PXDNL: variants seen among roughly 807,000 people sequenced by gnomAD.
PXDNL encodes the protein probable oxidoreductase PXDNL.
Under a neutral mutation model 150.8 loss-of-function variants are expected in PXDNL, and 145 were observed. That is an observed-to-expected ratio of 0.96 (90% CI 0.84 to 1.10). The LOEUF is 1.10. Ranked by LOEUF, PXDNL falls within the 50% of genes least tolerant of loss-of-function variation. PXDNL has a pLI of 0.00. For missense variants in PXDNL, 2,087 were observed against 1,873.9 expected, an observed-to-expected ratio of 1.11 and a Z score of -2.10; for synonymous variants, 757 against 725.7, an observed-to-expected ratio of 1.04 and a Z score of -0.69.
chr8:51,496,530 C>A (rs1811055967), intron 5 of PXDNL, among the ~76,000 whole-genome samples: 1 of 152,094 alleles, frequency 6.6e-6, no homozygotes, highest in Non-Finnish European at 1.5e-5. Flanking sequence ...TTTAGAAAAC[C>A]CCGTCGTCTC....
chr8:51,623,613 C>T (rs1388065736), intron 2 of PXDNL, among the ~76,000 whole-genome samples: 1 of 152,240 alleles, frequency 6.6e-6, no homozygotes, highest in African/African-American at 2.4e-5. Context: ...GGACCATCCA[C>T]AGCACCCAGC....
chr8:51,644,429 T>C (rs1407345889), intron 2 of PXDNL, among the ~76,000 whole-genome samples: 26 of 139,190 alleles, frequency 1.9e-4, no homozygotes, highest in African/African-American at 6.4e-4. Flanking sequence ...TATATACACA[T>C]ATGTGTGTGT....
At chr8:51,721,884 C>G (rs1287550981) in intron 1 of PXDNL, 1 of 278,322 alleles carries the variant, frequency 3.6e-6, no homozygotes, top group Non-Finnish European at 7.2e-6. Context: ...GCAGCTTTGT[C>G]CCAGCATGGC....
At chr8:51,596,803 T>C (rs996301172) in intron 2 of PXDNL, among the ~76,000 whole-genome samples, 4 of 152,194 alleles carry the variant, frequency 2.6e-5, no homozygotes, top group African/African-American at 7.2e-5. Flanking sequence ...TCCTAGATAG[T>C]AGACCTTTAT....
chr8:51,605,498 A>C (rs767437568), intron 2 of PXDNL, among the ~76,000 whole-genome samples: 6 of 151,976 alleles, frequency 3.9e-5, no homozygotes, highest in Non-Finnish European at 8.8e-5. Context: ...TTATTAATAT[A>C]AATATTCATT....
At chr8:51,627,171 A>C (rs1001761491) in intron 2 of PXDNL, among the ~76,000 whole-genome samples, 15 of 152,218 alleles carry the variant, frequency 9.9e-5, no homozygotes, top group African/African-American at 4.8e-5. Context: ...TTTTAGGAGT[A>C]CAATTAAATT....
rs536736364 is a variant in PXDNL, at chr8:51,451,946, C to T, written c.1249+1573G>A. Among the ~76,000 whole-genome samples, 518 of 152,244 alleles carry T rather than the reference C, an allele frequency of 3.4e-3. 6 individuals carry two copies. The highest frequency in any genetic ancestry group is 0.012 in the African/African-American group (495 of 41,534). On this transcript the variant is annotated intron_variant, in intron 10 of 22. Transcript: ENST00000356297. ...ATGGTCACAAATAACAAAGGACAAGCAGATGGCCATTTCAGTGCAAACTCA... is the reference window on the plus strand; with the variant it reads ...ATGGTCACAAATAACAAAGGACAAGTAGATGGCCATTTCAGTGCAAACTCA...
intron 1 of PXDNL, among the ~76,000 whole-genome samples, chr8:51,791,020 C>T (rs1431859541): frequency 4.0e-5 from 6 of 151,888 alleles, no homozygotes; most frequent in African/African-American, 1.5e-4. Context: ...AGCTAACATT[C>T]GAATAGTTCC....
chr8:51,526,783 C>A (rs1234031517), intron 4 of PXDNL, among the ~76,000 whole-genome samples: 2 of 152,178 alleles, frequency 1.3e-5, no homozygotes, highest in Non-Finnish European at 2.9e-5. Flanking sequence ...ACCACCATTA[C>A]CTCTCTATCC....
chr8:51,624,892 CA>C (rs1314707180), intron 2 of PXDNL, among the ~76,000 whole-genome samples: 6 of 151,722 alleles, frequency 4.0e-5, no homozygotes, highest in Admixed American at 2.6e-4. Flanking sequence ...TATTATTGTG[CA>C]GATGTCTTAT....
At chr8:51,438,919 CA>C (rs1233716985) in intron 12 of PXDNL, among the ~76,000 whole-genome samples, 1 of 152,100 alleles carries the variant, frequency 6.6e-6, no homozygotes, top group Non-Finnish European at 1.5e-5. Context: ...ATACAAAAAT[CA>C]ACACGAGATT....
At chr8:51,741,445 T>TTA (rs56242916) in intron 1 of PXDNL, among the ~76,000 whole-genome samples, 1 of 151,836 alleles carries the variant, frequency 6.6e-6, no homozygotes, top group Non-Finnish European at 1.5e-5. Context: ...TTGTCTTTTT[T>TTA]ATCTTTGTTA....
chr8:51,502,066 A>G (rs1235555223), intron 4 of PXDNL, among the ~76,000 whole-genome samples: 1 of 152,246 alleles, frequency 6.6e-6, no homozygotes, highest in Admixed American at 6.5e-5. Context: ...ACTTAGCATA[A>G]AGTAAATAAG....
chr8:51,351,055 A>G (rs1390243792), intron 19 of PXDNL, among the ~76,000 whole-genome samples: 2 of 152,216 alleles, frequency 1.3e-5, no homozygotes, highest in Non-Finnish European at 2.9e-5. Context: ...CGGTTCCAGT[A>G]GCACCCCATT....
intron 5 of PXDNL, among the ~76,000 whole-genome samples, chr8:51,495,180 A>G (rs949421272): frequency 6.6e-6 from 1 of 152,028 alleles, no homozygotes; most frequent in African/African-American, 2.4e-5. Context: ...CTGAATGACT[A>G]CTGGGTACAT....
At chr8:51,710,289 C>T (rs1255787025) in intron 1 of PXDNL, among the ~76,000 whole-genome samples, 1 of 152,074 alleles carries the variant, frequency 6.6e-6, no homozygotes, top group Non-Finnish European at 1.5e-5. Context: ...GAAATTGTCT[C>T]TTTTTAAATT....
At chr8:51,479,860 ATAGAT>A (rs1810562652) in intron 6 of PXDNL, among the ~76,000 whole-genome samples, 1 of 152,176 alleles carries the variant, frequency 6.6e-6, no homozygotes, top group Non-Finnish European at 1.5e-5. Context: ...CCCTTTACAG[ATAGAT>A]TAGATAGACA....
intron 1 of PXDNL, among the ~76,000 whole-genome samples, chr8:51,670,929 G>A (rs1175548968): frequency 6.6e-6 from 1 of 152,132 alleles, no homozygotes; most frequent in East Asian, 1.9e-4. Flanking sequence ...TCTTTTCATT[G>A]CCATGCATAA....
chr8:51,706,893 G>C (rs542553484), intron 1 of PXDNL, among the ~76,000 whole-genome samples: 2 of 152,222 alleles, frequency 1.3e-5, no homozygotes, highest in Non-Finnish European at 2.9e-5. Flanking sequence ...TCAATTCTCA[G>C]GTATGGAGGG....
Sources: gnomAD v4.1 joint callset for allele counts (sites outside exome capture counted in the v4.1 genomes callset) on GRCh38, gnomAD v4.1.1 for gene constraint, MANE v1.5 for transcripts, NCBI Gene and HGNC (gene_info 2026-07-23, HGNC 2026-07-21) for gene names.